FBXW7: variants seen among roughly 807,000 people sequenced by gnomAD.
The protein encoded by FBXW7 is F-box/WD repeat-containing protein 7.
In FBXW7, 11 loss-of-function variants were observed where a neutral mutation model predicts 86.3. The ratio of observed to expected loss-of-function variants is 0.13; its 90% CI spans 0.08 to 0.21. FBXW7 has a LOEUF of 0.21. FBXW7 is among the 10% of genes least tolerant of loss of function. The pLI is 1.00. For missense variants in FBXW7, 488 were observed against 847.4 expected, an observed-to-expected ratio of 0.58 and a Z score of 5.27; for synonymous variants, 313 against 297.9, an observed-to-expected ratio of 1.05 and a Z score of -0.52.
At chr4:152,332,787 T>C (rs1729686873) in intron 7 of FBXW7, 68 bp from the exon 8 acceptor site, 1 of 764,886 alleles carries the variant, frequency 1.3e-6, no homozygotes, top group South Asian at 4.8e-5. Flanking sequence ...ATAAGTTAAT[T>C]ATTCTCCACA....
At chr4:152,383,286 A>C (rs949035697) in intron 4 of FBXW7, among the ~76,000 whole-genome samples, 3 of 152,084 alleles carry the variant, frequency 2.0e-5, no homozygotes, top group Admixed American at 1.3e-4. Flanking sequence ...ATGGTCAGAT[A>C]AATCTTCCTA....
chr4:152,517,523 G>A (rs941126247), intron 2 of FBXW7, among the ~76,000 whole-genome samples: 2 of 152,042 alleles, frequency 1.3e-5, no homozygotes, highest in African/African-American at 4.8e-5. Context: ...AGACAGTATA[G>A]AATAAAGATT....
intron 6 of FBXW7, among the ~76,000 whole-genome samples, chr4:152,341,593 CA>C (rs1043085036): frequency 3.3e-5 from 5 of 152,262 alleles, no homozygotes; most frequent in African/African-American, 1.2e-4. Flanking sequence ...AAATGAATCC[CA>C]AAAGAATCAG....
chr4:152,388,225 A>G (rs573000469), intron 4 of FBXW7, among the ~76,000 whole-genome samples: 1 of 152,304 alleles, frequency 6.6e-6, no homozygotes, highest in South Asian at 2.1e-4. Flanking sequence ...TAAACATTCA[A>G]TGGACAACAT....
At chr4:152,505,116 GCAACTGTAGCA>G (rs1747290902) in intron 2 of FBXW7, among the ~76,000 whole-genome samples, 1 of 152,102 alleles carries the variant, frequency 6.6e-6, no homozygotes, top group Non-Finnish European at 1.5e-5. Flanking sequence ...AATACTGTAT[GCAACTGTAGCA>G]CAATGATATT....
intron 2 of FBXW7, chr4:152,489,560 T>C (rs1385526459): frequency 6.6e-6 from 1 of 152,490 alleles, no homozygotes; most frequent in Non-Finnish European, 1.5e-5. Context: ...ATATTGGTTC[T>C]AATATTAGTC....
chr4:152,528,462 A>G (rs1749726857), intron 2 of FBXW7, among the ~76,000 whole-genome samples: 1 of 152,228 alleles, frequency 6.6e-6, no homozygotes, highest in South Asian at 2.1e-4. Flanking sequence ...TCTTCTTATA[A>G]GCCTTCTGCT....
intron 2 of FBXW7, among the ~76,000 whole-genome samples, chr4:152,527,863 T>TACACACAC (rs749531242): frequency 1.9e-5 from 2 of 103,906 alleles, no homozygotes; most frequent in Non-Finnish European, 4.3e-5. Context: ...TTAAAAATTA[T>TACACACAC]ATACACACAC....
intron 4 of FBXW7, among the ~76,000 whole-genome samples, chr4:152,376,136 G>A (rs1427272851): frequency 1.3e-5 from 2 of 152,024 alleles, no homozygotes; most frequent in African/African-American, 4.8e-5. Flanking sequence ...GTAAAGACAA[G>A]TGCCTTTTCT....
At chr4:152,485,475 T>A (rs1745256900) in intron 2 of FBXW7, among the ~76,000 whole-genome samples, 1 of 150,552 alleles carries the variant, frequency 6.6e-6, no homozygotes, top group Admixed American at 6.6e-5. Context: ...TGAATAAACA[T>A]ATATTGATGT....
chr4:152,462,095 C>G (rs1315626643), intron 2 of FBXW7, among the ~76,000 whole-genome samples: 1 of 152,146 alleles, frequency 6.6e-6, no homozygotes, highest in Non-Finnish European at 1.5e-5. Flanking sequence ...CAGCTGCTTC[C>G]TTCTTCTAAC....
chr4:152,363,204 T>C (rs954001234), intron 4 of FBXW7, among the ~76,000 whole-genome samples: 1 of 152,196 alleles, frequency 6.6e-6, no homozygotes, highest in Non-Finnish European at 1.5e-5. Context: ...AGTCATATAA[T>C]GATTCTCCAT....
chr4:152,519,787 T>A (rs1262312807), intron 2 of FBXW7, among the ~76,000 whole-genome samples: 1 of 152,218 alleles, frequency 6.6e-6, no homozygotes, highest in Non-Finnish European at 1.5e-5. Context: ...AACTTTCCAT[T>A]TTCAATAAAA....
chr4:152,347,070 T>C lies in FBXW7; in HGVS notation c.586A>G (p.Thr196Ala), dbSNP rs1473413902. The change falls in exon 6 of 14, where the codon ACC (threonine) becomes GCC (alanine). Residue 196 changes from threonine (T) to alanine (A), a missense_variant and splice_region_variant. Physicochemically the swap from Thr to Ala is moderately conservative, Grantham distance 58 (BLOSUM62 0). Transcript: ENST00000281708. ...KPCKVSEYTSTTGLVPCSATP... is the reference protein window; with the variant it reads ...KPCKVSEYTSATGLVPCSATP... Reference sequence around the variant, plus strand: ...GCTGAACATGGTACAAGCCCAGTGGTACTACAAAAAAAAAAAAAAGAGAGA... The same window carrying C: ...GCTGAACATGGTACAAGCCCAGTGGCACTACAAAAAAAAAAAAAAGAGAGA... 55 of 1,523,812 alleles carry C rather than the reference T, an allele frequency of 3.6e-5. No individual in the cohort carries two copies. The highest frequency in any genetic ancestry group is 4.6e-5 in the Non-Finnish European group (53 of 1,143,050). The allele number at this position is 1,523,812 out of a possible 1,614,324, so 94.4% of individuals were successfully genotyped here. A position where few individuals can be genotyped will look rare whatever the true frequency, so the allele number is the denominator to read the frequency against.
At position 152,477,999 on chromosome 4, in the gene FBXW7, AT is replaced by A. The variant is rs1744572123; in HGVS notation, c.-120+56941del. Among the ~76,000 whole-genome samples, 22 of 152,232 alleles carry A rather than the reference AT, an allele frequency of 1.4e-4. No individual in the cohort carries two copies. In the South Asian group the frequency reaches 4.6e-3, roughly 32 times the overall value. ...AAAGAGGCAGCAATGAAACAACAAA[AT>A]TTTATTAGTGAAAATATTTTTCACA... On this transcript the variant is annotated intron_variant, in intron 2 of 13. Coordinates refer to ENST00000281708, the MANE Select transcript of FBXW7 (RefSeq NM_001349798.2).
intron 2 of FBXW7, among the ~76,000 whole-genome samples, chr4:152,459,223 A>T (rs908139080): frequency 2.6e-5 from 4 of 152,196 alleles, no homozygotes; most frequent in African/African-American, 9.7e-5. Context: ...AGTGCTACAA[A>T]ATATTTAAAC....
At chr4:152,326,276 A>T (rs2126498956) in intron 11 of FBXW7, 45 bp from the exon 12 acceptor site, 1 of 1,458,428 alleles carries the variant, frequency 6.9e-7, no homozygotes, top group Non-Finnish European at 9.5e-7. Context: ...AAAAAAACCC[A>T]CGTTTAGAAT....
chr4:152,414,638 TA>T (rs1738269518), intron 2 of FBXW7, among the ~76,000 whole-genome samples: 1 of 152,132 alleles, frequency 6.6e-6, no homozygotes, highest in Non-Finnish European at 1.5e-5. Context: ...ATAGCTCAGA[TA>T]AAATAAAGTT....
chr4:152,466,739 G>C (rs994857773), intron 2 of FBXW7, among the ~76,000 whole-genome samples: 1 of 151,914 alleles, frequency 6.6e-6, no homozygotes, highest in Non-Finnish European at 1.5e-5. Context: ...TCAGGAGATC[G>C]AGACCATCCT....
Sources: allele counts gnomAD v4.1 joint callset (sites outside exome capture counted in the v4.1 genomes callset), GRCh38; gene constraint gnomAD v4.1.1; transcripts MANE v1.5; gene names NCBI Gene and HGNC (gene_info 2026-07-23, HGNC 2026-07-21).